The following CCDC148 variants were observed in gnomAD, a reference collection of about 807,000 sequenced individuals.
The protein encoded by CCDC148 is coiled-coil domain-containing protein 148.
CCDC148 carries 89 observed loss-of-function variants against 85.7 expected under a neutral mutation model. The ratio of observed to expected loss-of-function variants is 1.04; its 90% confidence interval spans 0.87 to 1.24. The LOEUF (loss-of-function observed/expected upper bound fraction) is 1.24, where lower values mean the gene tolerates loss of function less well. Ranked by LOEUF, CCDC148 falls within the 50% of genes most tolerant of loss-of-function variation. The pLI, the probability that CCDC148 is intolerant of heterozygous loss-of-function variation, is 0.00. For missense variants in CCDC148, 692 were observed against 671.7 expected, an observed-to-expected ratio of 1.03 and a Z score of -0.33; for synonymous variants, 230 against 213.9, an observed-to-expected ratio of 1.08 and a Z score of -0.66.
intron 1 of CCDC148, among the ~76,000 whole-genome samples, chr2:158,399,676 T>C (rs1456797201): frequency 6.6e-6 from 1 of 152,094 alleles, no homozygotes; most frequent in Admixed American, 6.6e-5. Context: ...TCATACTGAA[T>C]GGGCAAAAAC....
intron 2 of CCDC148, among the ~76,000 whole-genome samples, chr2:158,357,323 T>G (rs1683710728): frequency 6.6e-6 from 1 of 152,102 alleles, no homozygotes; most frequent in Admixed American, 6.6e-5. Flanking sequence ...TTTTGCTGAC[T>G]ATTGTATCTT....
chr2:158,228,536 T>A (rs1048330906), intron 10 of CCDC148, among the ~76,000 whole-genome samples: 1 of 152,084 alleles, frequency 6.6e-6, no homozygotes, highest in Non-Finnish European at 1.5e-5. Context: ...GTATTCACAA[T>A]AGCAAAGACT....
intron 1 of CCDC148, among the ~76,000 whole-genome samples, chr2:158,411,232 G>A (rs1222325234): frequency 6.6e-6 from 1 of 152,092 alleles, no homozygotes; most frequent in East Asian, 1.9e-4. Flanking sequence ...TCCTATCCCA[G>A]ATTTGGGAAG....
chr2:158,297,367 T>A (rs543520853), intron 9 of CCDC148, among the ~76,000 whole-genome samples: 2 of 152,154 alleles, frequency 1.3e-5, no homozygotes, highest in Non-Finnish European at 2.9e-5. Flanking sequence ...ATTATATGCA[T>A]CTCCTTCCCT....
chr2:158,322,040 G>A lies in CCDC148; in HGVS notation c.765-8146C>T, dbSNP rs1002982946. On this transcript the variant is annotated intron_variant, in intron 7 of 13. Transcript: ENST00000283233. ...GTACAGATGAACCAAATAATATAAA[G>A]TCTACTAATGAAAACATAAATTGTT... is the stretch of plus-strand genomic sequence containing the variant. Among the ~76,000 whole-genome samples, 22 of 152,190 alleles carry A rather than the reference G, an allele frequency of 1.4e-4. No homozygotes were observed. In the Middle Eastern group the frequency reaches 0.014, roughly 94 times the overall value.
intron 1 of CCDC148, among the ~76,000 whole-genome samples, chr2:158,439,643 C>A (rs1687845319): frequency 6.6e-6 from 1 of 151,900 alleles, no homozygotes; most frequent in Non-Finnish European, 1.5e-5. Flanking sequence ...AAAAAGATGT[C>A]TGGATAGTTA....
At chr2:158,336,797 CTACTAAAT>C (rs1559079904) in intron 7 of CCDC148, among the ~76,000 whole-genome samples, 2 of 152,042 alleles carry the variant, frequency 1.3e-5, no homozygotes, top group Admixed American at 1.3e-4. Flanking sequence ...ACAAATATAA[CTACTAAAT>C]TACTTTGTCC....
At chr2:158,217,161 A>C (rs1429519110) in intron 11 of CCDC148, among the ~76,000 whole-genome samples, 1 of 152,042 alleles carries the variant, frequency 6.6e-6, no homozygotes, top group Non-Finnish European at 1.5e-5. Flanking sequence ...ACATATTCTA[A>C]TAGATTGAGA....
intron 1 of CCDC148, among the ~76,000 whole-genome samples, chr2:158,450,068 C>T (rs1688342148): frequency 6.6e-6 from 1 of 151,276 alleles, no homozygotes; most frequent in African/African-American, 2.4e-5. Flanking sequence ...TTAGTAGGTA[C>T]TGTTGTCTTG....
intron 11 of CCDC148, among the ~76,000 whole-genome samples, chr2:158,205,810 G>A (rs1241891661): frequency 6.6e-6 from 1 of 152,146 alleles, no homozygotes; most frequent in East Asian, 1.9e-4. Flanking sequence ...AGGCCATGAT[G>A]CAGATGGCAA....
intron 1 of CCDC148, among the ~76,000 whole-genome samples, chr2:158,413,560 C>T (rs2105316681): frequency 6.6e-6 from 1 of 151,890 alleles, no homozygotes; most frequent in South Asian, 2.1e-4. Context: ...ACATTTCCTA[C>T]ACTCAAAGAG....
chr2:158,330,219 C>G (rs947270732), intron 7 of CCDC148, among the ~76,000 whole-genome samples: 2 of 151,962 alleles, frequency 1.3e-5, no homozygotes, highest in Non-Finnish European at 2.9e-5. Context: ...TAGCATGAAG[C>G]GTTCTTGAAT....
intron 11 of CCDC148, among the ~76,000 whole-genome samples, chr2:158,210,407 A>C (rs1686499921): frequency 6.6e-6 from 1 of 152,104 alleles, no homozygotes. Context: ...GAACAATGAG[A>C]CAGAAAATTA....
At chr2:158,272,256 C>A (rs949232418) in intron 9 of CCDC148, among the ~76,000 whole-genome samples, 5 of 152,098 alleles carry the variant, frequency 3.3e-5, no homozygotes, top group African/African-American at 9.7e-5. Context: ...TTGGAACAAT[C>A]TCAGTAACAA....
chr2:158,194,725 C>A (rs958730844), intron 11 of CCDC148, among the ~76,000 whole-genome samples: 1 of 152,136 alleles, frequency 6.6e-6, no homozygotes, highest in Non-Finnish European at 1.5e-5. Flanking sequence ...GTTATAGTGA[C>A]CAGCCCCTTG....
intron 9 of CCDC148, among the ~76,000 whole-genome samples, chr2:158,274,333 C>T (rs991476816): frequency 3.3e-5 from 5 of 151,456 alleles, no homozygotes; most frequent in Non-Finnish European, 7.4e-5. Context: ...CTGAATTTTT[C>T]CATTTTAGAA....
chr2:158,346,622 C>G (rs1335767645), intron 2 of CCDC148, among the ~76,000 whole-genome samples: 1 of 152,170 alleles, frequency 6.6e-6, no homozygotes, highest in Non-Finnish European at 1.5e-5. Context: ...CTCATGGGTA[C>G]TCCAAACCGA....
At chr2:158,435,841 AAC>A (rs1370526683) in intron 1 of CCDC148, among the ~76,000 whole-genome samples, 1 of 152,222 alleles carries the variant, frequency 6.6e-6, no homozygotes, top group Non-Finnish European at 1.5e-5. Context: ...TCTCTGATAA[AAC>A]AGACTTTGAA....
intron 9 of CCDC148, among the ~76,000 whole-genome samples, chr2:158,271,541 A>G (rs1689698838): frequency 6.6e-6 from 1 of 152,158 alleles, no homozygotes; most frequent in Admixed American, 6.6e-5. Context: ...TATCAAATCA[A>G]CAGATCAGAA....
Sources: gnomAD v4.1 joint callset for allele counts (sites outside exome capture counted in the v4.1 genomes callset) on GRCh38, gnomAD v4.1.1 for gene constraint, MANE v1.5 for transcripts, NCBI Gene and HGNC (gene_info 2026-07-23, HGNC 2026-07-21) for gene names.